SLC2A9: variants seen among roughly 807,000 people sequenced by gnomAD.
The protein encoded by SLC2A9 is solute carrier family 2, facilitated glucose transporter member 9.
Under a neutral mutation model 50.6 loss-of-function variants are expected in SLC2A9, and 39 were observed. The ratio of observed to expected loss-of-function variants is 0.77; its 90% CI spans 0.60 to 1.01. SLC2A9 has a LOEUF of 1.01. SLC2A9 is among the 50% of genes least tolerant of loss of function. The pLI, the probability that SLC2A9 is intolerant of heterozygous loss-of-function variation, is 0.00. For synonymous variants in SLC2A9, 324 were observed against 276.9 expected (o/e 1.17, Z -1.69); for missense variants, 686 against 677.6 (o/e 1.01, Z -0.14).
At chr4:9,799,692 A>ACCCCTCCCCC (rs747864798) in intron 3 of SLC2A9, among the ~76,000 whole-genome samples, 1 of 69,810 alleles carries the variant, frequency 1.4e-5, no homozygotes, top group Admixed American at 1.9e-4. Context: ...TTCCAATTGT[A>ACCCCTCCCCC]CCCCCCCCCC....
intron 10 of SLC2A9, among the ~76,000 whole-genome samples, chr4:9,835,504 T>C (rs935085944): frequency 2.0e-5 from 3 of 152,188 alleles, no homozygotes; most frequent in South Asian, 4.1e-4. Flanking sequence ...GGGTAATGGA[T>C]GGGAAATCCC....
chr4:9,947,919 C>T (rs1379676880), intron 5 of SLC2A9, among the ~76,000 whole-genome samples: 1 of 152,184 alleles, frequency 6.6e-6, no homozygotes, highest in African/African-American at 2.4e-5. Flanking sequence ...CCTGCGTGGT[C>T]CTGCATGGCG....
chr4:9,904,223 A>C (rs1740206179), intron 8 of SLC2A9, among the ~76,000 whole-genome samples: 1 of 152,220 alleles, frequency 6.6e-6, no homozygotes, highest in Non-Finnish European at 1.5e-5. Flanking sequence ...AGTTTTGGAA[A>C]TCAGAAGTCT....
At chr4:9,824,309 T>TA (rs5856021), downstream of SLC2A9, among the ~76,000 whole-genome samples, 10 of 148,314 alleles carry the variant, frequency 6.7e-5, no homozygotes, top group South Asian at 1.3e-3. Context: ...TCCAGAACAG[T>TA]AAAAAAAAAA....
At position 9,887,637 on chromosome 4, in the gene SLC2A9, G is replaced by A. The variant is rs369754879; in HGVS notation, c.1221C>T (p.His407=). Residue 407 remains histidine (H), a synonymous_variant, in exon 10 of 12, where the codon CAC becomes CAT. Coordinates refer to ENST00000264784, the MANE Select transcript of SLC2A9 (RefSeq NM_020041.3). ...TLTITLTLQD[H]APWVPYLSIV... Reference sequence around the variant, plus strand: ...TACTCAGGTAGGGGACCCAGGGGGCGTGGTCCTGGGAGAGAACAGGGAGTG... The same window carrying A: ...TACTCAGGTAGGGGACCCAGGGGGCATGGTCCTGGGAGAGAACAGGGAGTG... 100 of 1,540,040 alleles carry A rather than the reference G, an allele frequency of 6.5e-5. No individual in the cohort carries two copies. The highest frequency in any genetic ancestry group is 2.9e-4 in the Admixed American group (15 of 51,618).
chr4:10,009,955 C>A (rs1298698912), intron 2 of SLC2A9, among the ~76,000 whole-genome samples: 8 of 152,154 alleles, frequency 5.3e-5, no homozygotes, highest in Non-Finnish European at 1.2e-4. Flanking sequence ...TGGGATGTAG[C>A]CTGTGAATTC....
At chr4:10,014,774 G>C (rs991272307) in intron 2 of SLC2A9, among the ~76,000 whole-genome samples, 1 of 152,128 alleles carries the variant, frequency 6.6e-6, no homozygotes, top group Non-Finnish European at 1.5e-5. Flanking sequence ...GATGTGTGTC[G>C]TTTTCATCTT....
chr4:9,941,796 G>A (rs1448619192), intron 6 of SLC2A9, 117 bp downstream of exon 6: 3 of 1,456,914 alleles, frequency 2.1e-6, no homozygotes, highest in African/African-American at 1.4e-5. Context: ...CCCAGTGCCT[G>A]CAAAAAGGAA....
At chr4:9,959,981 C>T (rs150823559) in intron 5 of SLC2A9, among the ~76,000 whole-genome samples, 69 of 152,352 alleles carry the variant, frequency 4.5e-4, no homozygotes, top group Non-Finnish European at 7.2e-4. Context: ...CCCACTTCAA[C>T]ACCACGCCCT....
intron 3 of SLC2A9, among the ~76,000 whole-genome samples, chr4:9,799,692 A>ACCCCCCCCCCCCCCCCCCCCCCCCC (rs57223650): frequency 2.9e-5 from 2 of 69,864 alleles, no homozygotes; most frequent in Admixed American, 1.9e-4. Context: ...TTCCAATTGT[A>ACCCCCCCCCCCCCCCCCCCCCCCCC]CCCCCCCCCC....
At chr4:9,804,274 G>A (rs1721842148) in intron 3 of SLC2A9, among the ~76,000 whole-genome samples, 1 of 152,198 alleles carries the variant, frequency 6.6e-6, no homozygotes, top group South Asian at 2.1e-4. Context: ...GAACTTTTAT[G>A]GTTCCAGGGT....
At chr4:9,941,817 A>T in intron 6 of SLC2A9, 96 bp downstream of exon 6, 1 of 1,550,964 alleles carries the variant, frequency 6.4e-7, no homozygotes, top group Non-Finnish European at 8.8e-7. Flanking sequence ...CAATGACAAC[A>T]CCCCTTCCTG....
intron 5 of SLC2A9, among the ~76,000 whole-genome samples, chr4:9,961,463 G>T (rs539396881): frequency 2.0e-5 from 3 of 152,180 alleles, no homozygotes; most frequent in Non-Finnish European, 4.4e-5. Context: ...AAAGGATTCT[G>T]TATTTAATAA....
chr4:9,778,485 CTCCTA>C (rs200821174), downstream of SLC2A9, among the ~76,000 whole-genome samples: 1,041 of 152,280 alleles, frequency 6.8e-3, 9 homozygotes, highest in African/African-American at 0.024. Flanking sequence ...CCCTTTTACT[CTCCTA>C]TCCATATTCC....
At chr4:9,771,115 T>G, downstream of SLC2A9, 1 of 175,570 alleles carries the variant, frequency 5.7e-6, no homozygotes, top group Non-Finnish European at 1.2e-5. Flanking sequence ...ATCTGGATGG[T>G]TTGTGGATAT....
intron 2 of SLC2A9, among the ~76,000 whole-genome samples, chr4:10,014,515 T>C (rs1176622180): frequency 6.6e-6 from 1 of 152,186 alleles, no homozygotes; most frequent in Non-Finnish European, 1.5e-5. Flanking sequence ...CTTTCTGATC[T>C]GGCTTCAGCT....
intron 6 of SLC2A9, among the ~76,000 whole-genome samples, chr4:9,921,752 G>A (rs895199195): frequency 6.6e-5 from 10 of 152,190 alleles, no homozygotes; most frequent in African/African-American, 2.2e-4. Flanking sequence ...AGCTGAATGA[G>A]CAATGTTTCT....
intron 1 of SLC2A9, among the ~76,000 whole-genome samples, chr4:10,030,925 C>T (rs1763924482): frequency 6.6e-6 from 1 of 151,896 alleles, no homozygotes. Context: ...TTAGGGGCTC[C>T]CAAAGCTGAG....
chr4:10,018,474 G>A (rs750843572), intron 2 of SLC2A9, among the ~76,000 whole-genome samples: 4 of 151,982 alleles, frequency 2.6e-5, no homozygotes, highest in Non-Finnish European at 5.9e-5. Context: ...CGTGGGAGGC[G>A]GCGGTTGCAG....
Sources: gnomAD v4.1 joint callset for allele counts (sites outside exome capture counted in the v4.1 genomes callset) on GRCh38, gnomAD v4.1.1 for gene constraint, MANE v1.5 for transcripts, NCBI Gene and HGNC (gene_info 2026-07-23, HGNC 2026-07-21) for gene names.